Variants in NXN observed in about 807,000 individuals in gnomAD.
NXN encodes the protein nucleoredoxin.
In NXN, 16 loss-of-function variants were observed where a neutral mutation model predicts 48.6. The observed-to-expected ratio is 0.33, with a 90% CI of 0.22 to 0.50. NXN has a LOEUF of 0.50. Among genes scored for constraint, NXN ranks in the 20% least tolerant of loss-of-function variants. The pLI is 0.98. For missense variants in NXN, 492 were observed against 605.5 expected, an observed-to-expected ratio of 0.81 and a Z score of 1.97; for synonymous variants, 281 against 269.6, an observed-to-expected ratio of 1.04 and a Z score of -0.41.
At chr17:857,491 C>T (rs1383185468) in intron 1 of NXN, among the ~76,000 whole-genome samples, 1 of 152,132 alleles carries the variant, frequency 6.6e-6, no homozygotes, top group East Asian at 1.9e-4. Context: ...GAACTCCTGC[C>T]CTCAGATGAT....
chr17:908,500 C>A (rs1026981105), intron 1 of NXN, among the ~76,000 whole-genome samples: 1 of 152,116 alleles, frequency 6.6e-6, no homozygotes, highest in Non-Finnish European at 1.5e-5. Flanking sequence ...TGTGCCGTTG[C>A]ACTCCAGCCT....
chr17:931,518 G>A (rs928459003), intron 1 of NXN, among the ~76,000 whole-genome samples: 4 of 151,516 alleles, frequency 2.6e-5, no homozygotes, highest in Non-Finnish European at 5.9e-5. Context: ...TTTTGTTTTC[G>A]CCATAAGCAC....
At position 871,083 on chromosome 17, in the gene NXN, G is replaced by C. The variant is rs368460141; in HGVS notation, c.361-45005C>G. Among the ~76,000 whole-genome samples the C allele has an allele frequency of 2.2e-3, 336 of 152,028 alleles. 2 individuals are homozygous for C. The highest frequency in any genetic ancestry group is 6.8e-3 in the Middle Eastern group (2 of 294). ...TCACTGTGTTGGCCAGGATGGTCTCGATCTCCTGACCTCGTGATCCGCCCA... is the reference window on the plus strand; with the variant it reads ...TCACTGTGTTGGCCAGGATGGTCTCCATCTCCTGACCTCGTGATCCGCCCA... On this transcript the variant is annotated intron_variant, in intron 1 of 7. Coordinates refer to ENST00000336868, the MANE Select transcript of NXN (RefSeq NM_022463.5).
chr17:819,446 T>A lies in NXN; in HGVS notation c.813A>T (p.Gly271=). ...ARRSRLNRLY[G]IQGIPTLIML... is the part of the protein sequence containing the mutation. Reference sequence around the variant, plus strand: ...GGGGCCTGGAGCGCCTACCTTGGATTCCGTACAGCCGGTTGAGGCGCGACC... The same window carrying A: ...GGGGCCTGGAGCGCCTACCTTGGATACCGTACAGCCGGTTGAGGCGCGACC... The change falls in exon 5 of 8, where the codon GGA becomes GGT. Residue 271 remains glycine (G), a synonymous_variant. Transcript: ENST00000336868. The A allele has an allele frequency of 6.2e-7, 1 of 1,613,952 alleles. No homozygotes were observed. Among genetic ancestry groups the A allele is most frequent in the South Asian group, 1.1e-5 (1 of 91,076 alleles).
chr17:924,986 A>T (rs1979988), intron 1 of NXN, among the ~76,000 whole-genome samples: 17 of 152,068 alleles, frequency 1.1e-4, no homozygotes, highest in African/African-American at 3.6e-4. Flanking sequence ...GGGAAGGAAA[A>T]GTAACTATTT....
chr17:939,638 G>C (rs939495197), intron 1 of NXN, among the ~76,000 whole-genome samples: 1 of 152,028 alleles, frequency 6.6e-6, no homozygotes, highest in Admixed American at 6.6e-5. Context: ...GAGCCACCGC[G>C]CCTGGCCAGA....
chr17:976,497 C>G (rs537619168), intron 1 of NXN, among the ~76,000 whole-genome samples: 9 of 152,256 alleles, frequency 5.9e-5, no homozygotes, highest in African/African-American at 2.2e-4. Flanking sequence ...ATCTGGAACT[C>G]TGGTTTCCCT....
At chr17:947,763 C>G (rs1052971576) in intron 1 of NXN, among the ~76,000 whole-genome samples, 4 of 141,844 alleles carry the variant, frequency 2.8e-5, no homozygotes, top group African/African-American at 1.1e-4. Flanking sequence ...AAGGGCCAGG[C>G]ATGGTGGCTC....
chr17:924,581 G>A (rs532500337), intron 1 of NXN, among the ~76,000 whole-genome samples: 22 of 152,216 alleles, frequency 1.4e-4, no homozygotes, highest in Non-Finnish European at 2.9e-4. Context: ...AACAGAAAAT[G>A]TCCTATTTCA....
At chr17:979,180 TGGGGGCAGGGGTC>T (rs2069502539) in intron 1 of NXN, 126 bp downstream of exon 1, 1 of 191,898 alleles carries the variant, frequency 5.2e-6, no homozygotes, top group East Asian at 1.5e-4. Context: ...GGCGGGGGAC[TGGGGGCAGGGGTC>T]GGGGGGTGGA....
chr17:940,131 G>T (rs1244197210), intron 1 of NXN, among the ~76,000 whole-genome samples: 2 of 145,154 alleles, frequency 1.4e-5, no homozygotes, highest in East Asian at 4.0e-4. Context: ...TAGAGATCGA[G>T]GTGGGGGGGT....
At chr17:870,755 G>GA (rs113824007) in intron 1 of NXN, among the ~76,000 whole-genome samples, 3,265 of 131,268 alleles carry the variant, frequency 0.025, 124 homozygotes, top group African/African-American at 0.08. Context: ...ACTCTGTCTG[G>GA]AAAAAAAAAA....
At position 933,073 on chromosome 17, in the gene NXN, A is replaced by G. The variant is rs569592085; in HGVS notation, c.360+46246T>C. ...GCGAAAAAGTCCCGAGAGGTTCCAGAAGGCAAGATCATTCTGGGGCCACGA... is the reference window on the plus strand; with the variant it reads ...GCGAAAAAGTCCCGAGAGGTTCCAGGAGGCAAGATCATTCTGGGGCCACGA... On this transcript the variant is annotated intron_variant, in intron 1 of 7. Coordinates refer to ENST00000336868, the MANE Select transcript of NXN (RefSeq NM_022463.5). Among the ~76,000 whole-genome samples the G allele has an allele frequency of 2.6e-5, 4 of 152,296 alleles. No homozygotes were observed. In the East Asian group the frequency reaches 7.7e-4, roughly 29 times the overall value.
chr17:811,702 G>A (rs549492704), intron 5 of NXN, among the ~76,000 whole-genome samples: 13 of 152,178 alleles, frequency 8.5e-5, no homozygotes, highest in African/African-American at 3.1e-4. Context: ...GGCCGGCCTG[G>A]GGCCCAAACT....
intron 7 of NXN, among the ~76,000 whole-genome samples, chr17:802,538 C>G (rs1299576388): frequency 6.6e-6 from 1 of 152,216 alleles, no homozygotes; most frequent in Non-Finnish European, 1.5e-5. Flanking sequence ...AGGCCGCCCC[C>G]GCCCGTGCCC....
At chr17:878,875 C>T (rs960838862) in intron 1 of NXN, among the ~76,000 whole-genome samples, 2 of 152,000 alleles carry the variant, frequency 1.3e-5, no homozygotes, top group East Asian at 3.9e-4. Context: ...TGAAAGAATG[C>T]GTAGACAGGC....
intron 1 of NXN, among the ~76,000 whole-genome samples, chr17:848,197 G>T (rs1437705950): frequency 1.3e-5 from 2 of 152,058 alleles, no homozygotes; most frequent in Non-Finnish European, 2.9e-5. Flanking sequence ...GAGTGCAATG[G>T]CACGATCTCG....
At chr17:891,230 A>G (rs960593098) in intron 1 of NXN, among the ~76,000 whole-genome samples, 2 of 152,098 alleles carry the variant, frequency 1.3e-5, no homozygotes, top group African/African-American at 2.4e-5. Context: ...GTGTGCCACC[A>G]TGCCCAGCTA....
intron 1 of NXN, among the ~76,000 whole-genome samples, chr17:964,493 T>A (rs1439904341): frequency 6.6e-6 from 1 of 152,252 alleles, no homozygotes; most frequent in Non-Finnish European, 1.5e-5. Context: ...CATTTTATTC[T>A]TAAGAACATT....
Sources: gnomAD v4.1 joint callset for allele counts (sites outside exome capture counted in the v4.1 genomes callset) on GRCh38, gnomAD v4.1.1 for gene constraint, MANE v1.5 for transcripts, NCBI Gene and HGNC (gene_info 2026-07-23, HGNC 2026-07-21) for gene names.